Variants in ZNF565 observed in about 807,000 individuals in gnomAD.
ZNF565 encodes the protein zinc finger protein 565.
ZNF565 carries 27 observed loss-of-function variants against 39.4 expected under a neutral mutation model. The ratio of observed to expected loss-of-function variants is 0.69; its 90% CI spans 0.51 to 0.95. The LOEUF (loss-of-function observed/expected upper bound fraction) is 0.95. Ranked by LOEUF, ZNF565 falls within the 40% of genes least tolerant of loss-of-function variation. The pLI is 0.00. For synonymous variants in ZNF565, 185 were observed against 216.6 expected, an observed-to-expected ratio of 0.85 and a Z score of 1.28; for missense variants, 524 against 621.1, an observed-to-expected ratio of 0.84 and a Z score of 1.66.
chr19:36,238,304 G>C (rs1339618084), intron 1 of ZNF565: 1 of 167,074 alleles, frequency 6.0e-6, no homozygotes, highest in Non-Finnish European at 1.5e-5. Flanking sequence ...GGTAATGGAT[G>C]CATATATGTA....
At chr19:36,208,099 T>C (rs1976222337) in intron 1 of ZNF565, among the ~76,000 whole-genome samples, 1 of 152,134 alleles carries the variant, frequency 6.6e-6, no homozygotes, top group African/African-American at 2.4e-5. Flanking sequence ...AAGAGGAAGC[T>C]TCAGAAATAA....
intron 1 of ZNF565, among the ~76,000 whole-genome samples, chr19:36,214,084 T>TCA (rs1976482266): frequency 6.6e-6 from 1 of 150,594 alleles, no homozygotes; most frequent in African/African-American, 2.4e-5. Flanking sequence ...ATACACACAG[T>TCA]CACACTCACA....
rs1342088714 is a variant in ZNF565 at position 36,194,342 on chromosome 19, A to G, written c.137-14T>C. The G allele has an allele frequency of 3.8e-6, 6 of 1,596,978 alleles. No individual in the cohort carries two copies. Among genetic ancestry groups the G allele is most frequent in the Non-Finnish European group, 5.1e-6 (6 of 1,169,718 alleles). ...AAATGGAGAGTCCTGTTTACAGGAA[A>G]AGAAATGGGGTGTGATCAGACCGCT... On this transcript the variant is annotated splice_polypyrimidine_tract_variant and intron_variant, in intron 3 of 4. Coordinates refer to ENST00000304116, the MANE Select transcript of ZNF565 (RefSeq NM_152477.5).
intron 3 of ZNF565, 73 bp downstream of exon 3, chr19:36,194,957 G>T (rs1212516624): frequency 1.2e-6 from 2 of 1,610,216 alleles, no homozygotes; most frequent in Admixed American, 3.3e-5. Flanking sequence ...AGGCAGAGAT[G>T]GAAACTGCAC....
chr19:36,240,022 C>T (rs976771467), intron 1 of ZNF565, among the ~76,000 whole-genome samples: 2 of 152,104 alleles, frequency 1.3e-5, no homozygotes, highest in Non-Finnish European at 2.9e-5. Flanking sequence ...AATGAATCTG[C>T]CCTTTATATT....
intron 2 of ZNF565, among the ~76,000 whole-genome samples, chr19:36,198,661 A>G (rs1172457184): frequency 6.6e-6 from 1 of 151,676 alleles, no homozygotes; most frequent in Non-Finnish European, 1.5e-5. Flanking sequence ...GTGCAGTGGC[A>G]TGATCTCGGC....
intron 1 of ZNF565, chr19:36,236,644 C>T (rs376125262): frequency 5.9e-5 from 95 of 1,613,958 alleles, no homozygotes; most frequent in Non-Finnish European, 7.4e-5. Context: ...CCCATACTGG[C>T]GAGAAGCTTT....
chr19:36,214,168 A>C (rs1251963316), intron 1 of ZNF565, among the ~76,000 whole-genome samples: 1 of 151,842 alleles, frequency 6.6e-6, no homozygotes, highest in East Asian at 1.9e-4. Flanking sequence ...AAACACACAC[A>C]CCAAGGGATA....
intron 1 of ZNF565, among the ~76,000 whole-genome samples, chr19:36,239,149 G>A (rs980908044): frequency 2.0e-5 from 3 of 151,990 alleles, no homozygotes; most frequent in African/African-American, 7.3e-5. Context: ...CTCTGTCTTC[G>A]TATTTCTAAC....
chr19:36,235,677 A>T (rs1287152373), intron 1 of ZNF565: 1 of 152,276 alleles, frequency 6.6e-6, no homozygotes, highest in African/African-American at 2.4e-5. Context: ...TGAGAAGATG[A>T]TGCACAGATA....
chr19:36,183,262 G>A lies in ZNF565; in HGVS notation c.704C>T (p.Thr235Ile), dbSNP rs764953508. ...CKDCGKAFGR[T>I]SELILHQRLH... ...TCTCTGATGTAGAATAAGTTCTGAT[G>A]TACGACCAAAGGCCTTCCCACAGTC... The change falls in exon 5 of 5, where the codon ACA becomes ATA. Residue 235 changes from threonine to isoleucine, a missense_variant. Thr to Ile is a moderately conservative substitution (Grantham distance 89). Transcript: ENST00000304116. 6.2e-7 allele frequency: 1 copy of A among 1,613,446 alleles called. No individual in the cohort carries two copies. The highest frequency in any genetic ancestry group is 2.2e-5 in the East Asian group (1 of 44,754).
intron 1 of ZNF565, among the ~76,000 whole-genome samples, chr19:36,205,843 GA>G (rs1976131098): frequency 6.6e-6 from 1 of 152,250 alleles, no homozygotes; most frequent in African/African-American, 2.4e-5. Context: ...TGGAGGCAGA[GA>G]AAAGGAAGTC....
chr19:36,192,584 T>C (rs542607573), intron 4 of ZNF565, among the ~76,000 whole-genome samples: 15 of 151,750 alleles, frequency 9.9e-5, no homozygotes, highest in African/African-American at 3.6e-4. Flanking sequence ...CTACTGAAAA[T>C]ACAAAAATTA....
chr19:36,202,406 CAAA>C (rs66471721), intron 1 of ZNF565, among the ~76,000 whole-genome samples: 1 of 101,690 alleles, frequency 9.8e-6, no homozygotes, highest in African/African-American at 3.4e-5. Flanking sequence ...ACAACAACAA[CAAA>C]AAAAAACTGC....
At chr19:36,197,590 T>C (rs1254356499) in intron 2 of ZNF565, among the ~76,000 whole-genome samples, 1 of 151,996 alleles carries the variant, frequency 6.6e-6, no homozygotes, top group Non-Finnish European at 1.5e-5. Context: ...ATATCGTATG[T>C]TATGTCTTGT....
At chr19:36,190,975 G>A (rs1975514488) in intron 4 of ZNF565, among the ~76,000 whole-genome samples, 2 of 133,618 alleles carry the variant, frequency 1.5e-5, no homozygotes, top group African/African-American at 5.8e-5. Context: ...CTGGGTGACA[G>A]AGTGAGACTC....
At chr19:36,200,678 G>A (rs944568466) in intron 2 of ZNF565, among the ~76,000 whole-genome samples, 6 of 151,446 alleles carry the variant, frequency 4.0e-5, no homozygotes, top group South Asian at 2.1e-4. Context: ...TAGTAGAGAC[G>A]GGGTTTCACC....
intron 1 of ZNF565, chr19:36,237,459 G>A (rs1977686283): frequency 1.9e-6 from 2 of 1,046,780 alleles, no homozygotes; most frequent in African/African-American, 3.2e-5. Context: ...AGGGACACCA[G>A]AAAATTTGTA....
chr19:36,231,410 T>C (rs1385723690), intron 1 of ZNF565, among the ~76,000 whole-genome samples: 2 of 152,118 alleles, frequency 1.3e-5, no homozygotes. Context: ...GTTTTCACCA[T>C]GTTGGCCAGG....
Sources: allele counts gnomAD v4.1 joint callset (sites outside exome capture counted in the v4.1 genomes callset), GRCh38; gene constraint gnomAD v4.1.1; transcripts MANE v1.5; gene names NCBI Gene and HGNC (gene_info 2026-07-23, HGNC 2026-07-21).